Variants in CSMD1 observed in about 807,000 individuals in gnomAD.
CSMD1 encodes CUB and Sushi multiple domains 1.
A neutral mutation model predicts 417.5 loss-of-function variants in CSMD1; 213 were observed. The ratio of observed to expected loss-of-function variants is 0.51; its 90% confidence interval spans 0.46 to 0.57. The LOEUF (loss-of-function observed/expected upper bound fraction) is 0.57, where lower values mean the gene tolerates loss of function less well. CSMD1 is among the 20% of genes least tolerant of loss of function. The pLI is 0.00. For missense variants in CSMD1, 6,923 were observed against 4,529.7 expected, an observed-to-expected ratio of 1.53 and a Z score of -15.17; for synonymous variants, 2,862 against 1,736.8, an observed-to-expected ratio of 1.65 and a Z score of -16.11.
chr8:3,641,739 G>T (rs900813485), intron 7 of CSMD1, among the ~76,000 whole-genome samples: 10 of 152,138 alleles, frequency 6.6e-5, no homozygotes, highest in African/African-American at 2.4e-4. Flanking sequence ...TTGGGACCAG[G>T]ATTCTCCCTG....
In CSMD1 at chr8:3,547,482, C is replaced by T. The variant is rs192680724; in HGVS notation, c.1344+27463G>A. 1.6e-3 allele frequency among the ~76,000 whole-genome samples: 245 copies of T among 152,222 alleles called. 1 individual carries two copies. Among genetic ancestry groups the T allele is most frequent in the Non-Finnish European group, 2.2e-3 (149 of 68,006 alleles). On this transcript the variant is annotated intron_variant, in intron 10 of 69. Coordinates refer to ENST00000635120, the MANE Select transcript of CSMD1 (RefSeq NM_033225.6). ...GGTCAATGATTGTCCGTAATGTTTTCCAACTTCTGAGCATATATTTATGCC... is the reference window on the plus strand; with the variant it reads ...GGTCAATGATTGTCCGTAATGTTTTTCAACTTCTGAGCATATATTTATGCC...
At chr8:3,827,846 G>T (rs866361612) in intron 5 of CSMD1, among the ~76,000 whole-genome samples, 1 of 152,184 alleles carries the variant, frequency 6.6e-6, no homozygotes, top group East Asian at 1.9e-4. Flanking sequence ...AACTCACAGT[G>T]CATGTCACAG....
chr8:3,560,028 G>A (rs77149837), intron 10 of CSMD1, among the ~76,000 whole-genome samples: 1 of 152,114 alleles, frequency 6.6e-6, no homozygotes, highest in African/African-American at 2.4e-5. Context: ...ATTTAGTGTG[G>A]AGGGAATTTG....
chr8:4,465,377 A>T (rs1045169998), intron 2 of CSMD1, among the ~76,000 whole-genome samples: 1 of 152,174 alleles, frequency 6.6e-6, no homozygotes, highest in Non-Finnish European at 1.5e-5. Flanking sequence ...GATAAATGAG[A>T]AAACATGGTT....
chr8:3,670,341 T>C (rs991109686), intron 7 of CSMD1, among the ~76,000 whole-genome samples: 4 of 151,806 alleles, frequency 2.6e-5, no homozygotes, highest in Non-Finnish European at 4.4e-5. Context: ...AGTTCTTCTG[T>C]TTTGGGACTC....
chr8:4,528,111 G>T (rs1353374152), intron 2 of CSMD1, among the ~76,000 whole-genome samples: 2 of 152,130 alleles, frequency 1.3e-5, no homozygotes, highest in African/African-American at 4.8e-5. Flanking sequence ...TTTGTGTTCT[G>T]GTTCTGACTT....
At chr8:3,837,173 T>A (rs1802766710) in intron 5 of CSMD1, among the ~76,000 whole-genome samples, 1 of 152,062 alleles carries the variant, frequency 6.6e-6, no homozygotes, top group Non-Finnish European at 1.5e-5. Flanking sequence ...TCTGTTCACA[T>A]CAGTTTCACA....
At chr8:4,440,091 G>A (rs1798380940) in intron 2 of CSMD1, among the ~76,000 whole-genome samples, 1 of 152,132 alleles carries the variant, frequency 6.6e-6, no homozygotes, top group South Asian at 2.1e-4. Flanking sequence ...ACTGTGTTAG[G>A]ATATTGGAAA....
At chr8:4,773,919 G>A (rs893787107) in intron 1 of CSMD1, among the ~76,000 whole-genome samples, 1 of 152,160 alleles carries the variant, frequency 6.6e-6, no homozygotes, top group East Asian at 1.9e-4. Context: ...CTCTTGGCTG[G>A]GTGCAGTGGC....
intron 5 of CSMD1, among the ~76,000 whole-genome samples, chr8:3,844,159 G>A (rs1803328790): frequency 6.6e-6 from 1 of 152,106 alleles, no homozygotes; most frequent in Admixed American, 6.5e-5. Flanking sequence ...GACAATATTG[G>A]CATTAACTTA....
chr8:3,780,933 A>G (rs2129062680), intron 5 of CSMD1, among the ~76,000 whole-genome samples: 1 of 152,330 alleles, frequency 6.6e-6, no homozygotes, highest in East Asian at 1.9e-4. Flanking sequence ...ATGGCTTTCT[A>G]AATGTAAAAA....
intron 1 of CSMD1, among the ~76,000 whole-genome samples, chr8:4,713,589 C>A (rs774193435): frequency 9.9e-5 from 15 of 151,898 alleles, no homozygotes; most frequent in Non-Finnish European, 1.9e-4. Context: ...TTAGTAGAGA[C>A]GGGGTTTCAC....
At chr8:3,671,029 T>C (rs1798996613) in intron 7 of CSMD1, among the ~76,000 whole-genome samples, 1 of 104,682 alleles carries the variant, frequency 9.6e-6, no homozygotes, top group Non-Finnish European at 2.1e-5. Flanking sequence ...ATGGGATATA[T>C]GCATATGGGA....
chr8:3,262,230 T>TATATATATAC (rs770901446), intron 26 of CSMD1, among the ~76,000 whole-genome samples: 7 of 95,682 alleles, frequency 7.3e-5, no homozygotes, highest in Non-Finnish European at 1.2e-4. Flanking sequence ...TATATATATA[T>TATATATATAC]ACACACACAT....
intron 3 of CSMD1, among the ~76,000 whole-genome samples, chr8:4,091,135 T>G (rs1471497443): frequency 6.6e-6 from 1 of 152,038 alleles, no homozygotes; most frequent in Non-Finnish European, 1.5e-5. Context: ...GCCAGGCTGG[T>G]CTCGAATTCC....
intron 2 of CSMD1, among the ~76,000 whole-genome samples, chr8:4,619,435 G>A (rs17070836): frequency 0.059 from 9,042 of 152,116 alleles, 438 homozygotes; most frequent in East Asian, 0.15. Flanking sequence ...ACTAGCGGTC[G>A]TCGTTGTGAC....
At chr8:3,304,913 A>G (rs952616192) in intron 25 of CSMD1, among the ~76,000 whole-genome samples, 1 of 152,144 alleles carries the variant, frequency 6.6e-6, no homozygotes, top group African/African-American at 2.4e-5. Flanking sequence ...AAGATAAATT[A>G]TTTTTATATA....
chr8:3,230,428 T>A (rs966814410), intron 26 of CSMD1, among the ~76,000 whole-genome samples, 197 bp from the exon 27 acceptor site: 1 of 152,222 alleles, frequency 6.6e-6, no homozygotes, highest in African/African-American at 2.4e-5. Flanking sequence ...TTGCATTGCA[T>A]AAACTCTAGC....
chr8:3,935,472 G>C (rs1350898041), intron 5 of CSMD1, among the ~76,000 whole-genome samples: 2 of 152,216 alleles, frequency 1.3e-5, no homozygotes, highest in African/African-American at 2.4e-5. Context: ...AGGTCTATTG[G>C]TGTCATTATT....
Sources: gnomAD v4.1 joint callset for allele counts (sites outside exome capture counted in the v4.1 genomes callset) on GRCh38, gnomAD v4.1.1 for gene constraint, MANE v1.5 for transcripts, NCBI Gene and HGNC (gene_info 2026-07-23, HGNC 2026-07-21) for gene names.